Variants in IGLL1 observed in about 807,000 individuals in gnomAD.
IGLL1 encodes immunoglobulin lambda-like polypeptide 1.
In IGLL1, 10 loss-of-function variants were observed where a neutral mutation model predicts 10.5. The ratio of observed to expected loss-of-function variants is 0.95; its 90% confidence interval spans 0.59 to 1.62. The LOEUF is 1.62. IGLL1 is among the 40% of genes most tolerant of loss of function. IGLL1 has a pLI of 0.00. For missense variants in IGLL1, 284 were observed against 278.7 expected (o/e 1.02, Z -0.14); for synonymous variants, 141 against 122.7 (o/e 1.15, Z -0.99).
intron 1 of IGLL1, 116 bp downstream of exon 1, chr22:23,579,869 G>C (rs1925249779): frequency 1.3e-6 from 1 of 753,118 alleles, no homozygotes; most frequent in Admixed American, 2.9e-5. Context: ...AGTGTCTGTG[G>C]CTCCCCTCCA....
At chr22:23,575,781 G>A (rs1292524360) in intron 1 of IGLL1, among the ~76,000 whole-genome samples, 1 of 152,170 alleles carries the variant, frequency 6.6e-6, no homozygotes, top group Non-Finnish European at 1.5e-5. Context: ...CCCTCCTCAT[G>A]GTCATGTCCA....
At chr22:23,574,201 C>T (rs1176972034) in intron 2 of IGLL1, among the ~76,000 whole-genome samples, 1 of 150,216 alleles carries the variant, frequency 6.7e-6, no homozygotes, top group Non-Finnish European at 1.5e-5. Context: ...GCCTCTGATG[C>T]CCCTGGACTT....
Position 23,573,241 on chromosome 22 carries a change from T to A in IGLL1, c.*25A>T. 6.2e-7 allele frequency: 1 copy of A among 1,609,998 alleles called. No individual in the cohort carries two copies. Among genetic ancestry groups the A allele is most frequent in the South Asian group, 1.1e-5 (1 of 90,980 alleles). On this transcript the variant is annotated 3_prime_UTR_variant, in exon 3 of 3. Transcript: ENST00000330377. ...CTGGGATCCTGCAGCTCCAGGCCCCTTTGGGTGGGGTCGGGGCTGGGAACC... is the reference window on the plus strand; with the variant it reads ...CTGGGATCCTGCAGCTCCAGGCCCCATTGGGTGGGGTCGGGGCTGGGAACC...
At chr22:23,574,938 G>A (rs755910299) in intron 2 of IGLL1, 29 bp downstream of exon 2, 3 of 1,438,826 alleles carry the variant, frequency 2.1e-6, no homozygotes, top group South Asian at 1.1e-5. Context: ...GGAGAGGGTG[G>A]GACAGCCTGG....
rs199529532 is a variant in IGLL1 at position 23,580,073 on chromosome 22, G to A, written c.118C>T (p.Arg40Cys). The A allele has an allele frequency of 8.3e-5, 130 of 1,572,100 alleles. 1 individual carries two copies. Among genetic ancestry groups the A allele is most frequent in the Non-Finnish European group, 1.0e-4 (119 of 1,161,322 alleles). Residue 40 changes from arginine (R) to cysteine (C), a missense_variant, in exon 1 of 3, where the codon CGC becomes TGC. Transcript: ENST00000330377. ...CTGCTCTGCGATGCAGCTGTTGGGC[G>A]CAGCAGGCCATGGGTTACCACGGCC... Reference protein sequence around the residue: ...GLAVVTHGLLRPTAASQSRAL... With the variant: ...GLAVVTHGLLCPTAASQSRAL...
At chr22:23,579,185 G>A (rs964863797) in intron 1 of IGLL1, among the ~76,000 whole-genome samples, 2 of 150,174 alleles carry the variant, frequency 1.3e-5, no homozygotes, top group Non-Finnish European at 3.0e-5. Context: ...CCTGCCTATG[G>A]GGCCACCGAG....
chr22:23,578,125 G>A (rs574635340), intron 1 of IGLL1, among the ~76,000 whole-genome samples: 2 of 151,512 alleles, frequency 1.3e-5, no homozygotes, highest in African/African-American at 4.8e-5. Flanking sequence ...CTCGTGATCT[G>A]CCCATCTTGG....
chr22:23,576,687 C>G (rs1426505275), intron 1 of IGLL1, among the ~76,000 whole-genome samples: 5 of 152,188 alleles, frequency 3.3e-5, no homozygotes, highest in Non-Finnish European at 7.3e-5. Flanking sequence ...CCACCTTGGC[C>G]TCTCAAAGTG....
At chr22:23,577,019 T>A (rs1460791648) in intron 1 of IGLL1, among the ~76,000 whole-genome samples, 2 of 152,228 alleles carry the variant, frequency 1.3e-5, no homozygotes, top group African/African-American at 4.8e-5. Flanking sequence ...GTCTGGCTTA[T>A]TTCACTAAGT....
chr22:23,580,284 C>A lies in IGLL1; in HGVS notation c.-94G>T. The A allele has an allele frequency of 6.6e-7, 1 of 1,523,152 alleles. No homozygotes were observed. The highest frequency in any genetic ancestry group is 1.2e-5 in the South Asian group (1 of 83,258). The allele number at this position is 1,523,152 out of a possible 1,614,324, so 94.4% of individuals were successfully genotyped here. A position where few individuals can be genotyped will look rare whatever the true frequency, so the allele number is the denominator to read the frequency against. ...GTCCCTCTCGCTGGCAGCAGCTGTC[C>A]CATTGCACCCCAGTCCATGTGGCCC... On this transcript the variant is annotated 5_prime_UTR_variant, in exon 1 of 3. The change creates a premature stop within an existing upstream ORF in the 5' untranslated region. Transcript: ENST00000330377.
chr22:23,574,554 G>A (rs1444089626), intron 2 of IGLL1, among the ~76,000 whole-genome samples: 1 of 152,170 alleles, frequency 6.6e-6, no homozygotes. Context: ...TGTGTCCCCA[G>A]GCCCCCGTGT....
chr22:23,574,254 C>T (rs769746769), intron 2 of IGLL1, among the ~76,000 whole-genome samples: 35 of 152,182 alleles, frequency 2.3e-4, no homozygotes, highest in African/African-American at 3.1e-4. Flanking sequence ...GTTTACTCCC[C>T]GCTAGTCACC....
At chr22:23,574,561 G>C (rs754169460) in intron 2 of IGLL1, among the ~76,000 whole-genome samples, 1 of 152,258 alleles carries the variant, frequency 6.6e-6, no homozygotes, top group African/African-American at 2.4e-5. Context: ...CCAGGCCCCC[G>C]TGTGGCCCTC....
At chr22:23,577,630 G>A (rs562595972) in intron 1 of IGLL1, among the ~76,000 whole-genome samples, 4 of 138,874 alleles carry the variant, frequency 2.9e-5, no homozygotes, top group African/African-American at 8.2e-5. Flanking sequence ...CTCAACCTCC[G>A]AGGCTTAAGC....
intron 1 of IGLL1, among the ~76,000 whole-genome samples, chr22:23,579,224 C>G (rs1392328365): frequency 1.3e-5 from 2 of 151,920 alleles, no homozygotes; most frequent in African/African-American, 4.8e-5. Context: ...AAATGATTAT[C>G]GCCTGTGGGT....
At chr22:23,577,889 C>CTTT (rs131420) in intron 1 of IGLL1, among the ~76,000 whole-genome samples, 15 of 138,384 alleles carry the variant, frequency 1.1e-4, no homozygotes, top group Admixed American at 3.6e-4. Context: ...AGCATAATAC[C>CTTT]TTTTTTTTTT....
intron 2 of IGLL1, 133 bp downstream of exon 2, chr22:23,574,834 C>T (rs1924975887): frequency 8.2e-6 from 6 of 728,154 alleles, no homozygotes; most frequent in South Asian, 4.5e-5. Flanking sequence ...ACATCTCCTC[C>T]AGGCCCCATG....
At chr22:23,574,871 G>C in intron 2 of IGLL1, 96 bp downstream of exon 2, 4 of 841,440 alleles carry the variant, frequency 4.8e-6, no homozygotes, top group Non-Finnish European at 6.0e-6. Context: ...AGTGCTTAAG[G>C]CTGGGAGGGC....
chr22:23,578,027 G>A (rs1198033695), intron 1 of IGLL1, among the ~76,000 whole-genome samples: 1 of 151,654 alleles, frequency 6.6e-6, no homozygotes, highest in Non-Finnish European at 1.5e-5. Context: ...GGGACTATAG[G>A]CTCGCGCCAC....
Sources: gnomAD v4.1 joint callset for allele counts (sites outside exome capture counted in the v4.1 genomes callset) on GRCh38, gnomAD v4.1.1 for gene constraint, MANE v1.5 for transcripts, NCBI Gene and HGNC (gene_info 2026-07-23, HGNC 2026-07-21) for gene names.